The following CGRRF1 variants were observed in gnomAD, a reference collection of about 807,000 sequenced individuals.
The protein encoded by CGRRF1 is cell growth regulator with RING finger domain protein 1.
CGRRF1 carries 32 observed loss-of-function variants against 37.2 expected under a neutral mutation model. The observed-to-expected ratio is 0.86, with a 90% CI of 0.65 to 1.16. The LOEUF is 1.16. CGRRF1 is among the 50% of genes most tolerant of loss of function. The pLI is 0.00. For missense variants in CGRRF1, 391 were observed against 382.6 expected (o/e 1.02, Z -0.18); for synonymous variants, 141 against 140.3 (o/e 1.00, Z -0.04).
chr14:54,520,210 G>A (rs1006250640), intron 1 of CGRRF1, among the ~76,000 whole-genome samples: 11 of 152,068 alleles, frequency 7.2e-5, no homozygotes, highest in South Asian at 6.2e-4. Flanking sequence ...CCAGGTTCAC[G>A]CCATTCTCCT....
chr14:54,524,489 G>A (rs1227732469), intron 2 of CGRRF1, among the ~76,000 whole-genome samples: 1 of 150,892 alleles, frequency 6.6e-6, no homozygotes, highest in Non-Finnish European at 1.5e-5. Context: ...GGGCTCAAGT[G>A]GTCCTCCTGC....
intron 2 of CGRRF1, among the ~76,000 whole-genome samples, chr14:54,527,616 T>G (rs1482654805): frequency 6.6e-6 from 1 of 152,182 alleles, no homozygotes; most frequent in Non-Finnish European, 1.5e-5. Flanking sequence ...ATACAAAGTC[T>G]ATAAACGAGT....
At chr14:54,526,748 A>G (rs932773874) in intron 2 of CGRRF1, among the ~76,000 whole-genome samples, 3 of 152,340 alleles carry the variant, frequency 2.0e-5, no homozygotes, top group South Asian at 2.1e-4. Flanking sequence ...ACATTAAAGC[A>G]AAAGGGTTAG....
At chr14:54,537,161 A>T (rs184614163) in intron 4 of CGRRF1, 3 of 152,174 alleles carry the variant, frequency 2.0e-5, no homozygotes, top group Non-Finnish European at 4.4e-5. Context: ...ATCCTGTTTC[A>T]TCCATCTGTC....
At position 54,521,598 on chromosome 14, in the gene CGRRF1, G is replaced by A. The variant is rs577552372; in HGVS notation, c.105-856G>A. Among the ~76,000 whole-genome samples, 283 of 151,408 alleles carry A rather than the reference G, an allele frequency of 1.9e-3. 1 individual carries two copies. The highest frequency in any genetic ancestry group is 3.0e-3 in the Non-Finnish European group (206 of 67,858). On this transcript the variant is annotated intron_variant, in intron 1 of 5. Coordinates refer to ENST00000216420, the MANE Select transcript of CGRRF1 (RefSeq NM_006568.3). Reference sequence around the variant, plus strand: ...CGGCTCACTGCAACCTCTGCCTTCCGGGTTCAAGCCAGTCTCCTGCCTCAG... The same window carrying A: ...CGGCTCACTGCAACCTCTGCCTTCCAGGTTCAAGCCAGTCTCCTGCCTCAG...
At chr14:54,529,640 C>T (rs1261633644) in intron 2 of CGRRF1, among the ~76,000 whole-genome samples, 1 of 152,066 alleles carries the variant, frequency 6.6e-6, no homozygotes, top group Non-Finnish European at 1.5e-5. Flanking sequence ...TGTACATATC[C>T]CCTTTAGAGG....
At chr14:54,520,782 C>T (rs968524668) in intron 1 of CGRRF1, among the ~76,000 whole-genome samples, 10 of 152,050 alleles carry the variant, frequency 6.6e-5, no homozygotes, top group African/African-American at 2.4e-4. Flanking sequence ...TTAAATATAC[C>T]ACAGTTTGTT....
chr14:54,513,633 T>A (rs796891877), intron 1 of CGRRF1, among the ~76,000 whole-genome samples: 1 of 151,900 alleles, frequency 6.6e-6, no homozygotes, highest in South Asian at 2.1e-4. Flanking sequence ...TATGTTATGT[T>A]ATGTTATTTT....
At chr14:54,528,220 T>C (rs2032446722) in intron 2 of CGRRF1, among the ~76,000 whole-genome samples, 1 of 150,866 alleles carries the variant, frequency 6.6e-6, no homozygotes, top group East Asian at 1.9e-4. Context: ...TTTTTTTTTT[T>C]TTTTTTTTAA....
At chr14:54,532,703 A>C (rs969653732) in intron 4 of CGRRF1, among the ~76,000 whole-genome samples, 5 of 129,988 alleles carry the variant, frequency 3.8e-5, no homozygotes, top group Non-Finnish European at 7.8e-5. Context: ...TTGATAAGTA[A>C]AAAAAAAAAA....
chr14:54,515,459 C>T (rs1376602082), intron 1 of CGRRF1, among the ~76,000 whole-genome samples: 1 of 152,006 alleles, frequency 6.6e-6, no homozygotes, highest in Non-Finnish European at 1.5e-5. Flanking sequence ...TTTTTGATGT[C>T]CTTACTGATT....
chr14:54,536,108 T>G (rs111279588), intron 4 of CGRRF1: 3 of 152,248 alleles, frequency 2.0e-5, no homozygotes, highest in Admixed American at 6.5e-5. Context: ...TGTTGTTTTC[T>G]GATTTTTCCT....
At chr14:54,523,541 CCT>C (rs1491546762) in intron 2 of CGRRF1, among the ~76,000 whole-genome samples, 4 of 150,222 alleles carry the variant, frequency 2.7e-5, no homozygotes, top group Admixed American at 2.6e-4. Context: ...ATTCCTTCCT[CCT>C]TTTTTTTTTT....
Position 54,537,826 on chromosome 14 carries a change from T to G in CGRRF1, c.675T>G (p.Leu225=). The G allele has an allele frequency of 6.2e-7, 1 of 1,601,808 alleles. No individual in the cohort carries two copies. Among genetic ancestry groups the G allele is most frequent in the South Asian group, 1.1e-5 (1 of 87,632 alleles). The part of the protein sequence containing the change: ...LLLAQGQFHD[L]KQLFMSANNN... ...TGGCTCAAGGTCAATTTCATGATCT[T>G]AAGGTAAGCCGTACTCTGTAGTCTT... Residue 225 remains leucine, a synonymous_variant, in exon 5 of 6, where the codon CTT becomes CTG. Coordinates refer to ENST00000216420, the MANE Select transcript of CGRRF1 (RefSeq NM_006568.3).
At chr14:54,514,916 A>ATCTCT (rs1394036420) in intron 1 of CGRRF1, among the ~76,000 whole-genome samples, 5 of 152,116 alleles carry the variant, frequency 3.3e-5, no homozygotes, top group Non-Finnish European at 5.9e-5. Flanking sequence ...TTTTAAAGAT[A>ATCTCT]TCTCTGTTAC....
intron 1 of CGRRF1, among the ~76,000 whole-genome samples, chr14:54,517,822 G>A (rs1198270158): frequency 1.3e-5 from 2 of 152,116 alleles, no homozygotes; most frequent in African/African-American, 4.8e-5. Context: ...TCCCCTCCAT[G>A]TGTCCATGTG....
intron 1 of CGRRF1, 121 bp from the exon 2 acceptor site, chr14:54,522,333 T>G (rs1040601231): frequency 3.0e-6 from 2 of 668,614 alleles, no homozygotes; most frequent in African/African-American, 3.8e-5. Context: ...AATTGAGAAA[T>G]TTAACCTCTT....
intron 2 of CGRRF1, 93 bp from the exon 3 acceptor site, chr14:54,529,956 G>A: frequency 2.0e-6 from 2 of 997,360 alleles, no homozygotes; most frequent in Non-Finnish European, 3.0e-6. Flanking sequence ...ATCCTGGCCA[G>A]CATCCAAAAG....
chr14:54,513,746 G>A (rs543511316), intron 1 of CGRRF1, among the ~76,000 whole-genome samples: 8 of 152,210 alleles, frequency 5.3e-5, no homozygotes, highest in African/African-American at 1.7e-4. Flanking sequence ...CAGGAAGACT[G>A]TTTGAGCCCA....
Sources: gnomAD v4.1 joint callset for allele counts (sites outside exome capture counted in the v4.1 genomes callset) on GRCh38, gnomAD v4.1.1 for gene constraint, MANE v1.5 for transcripts, NCBI Gene and HGNC (gene_info 2026-07-23, HGNC 2026-07-21) for gene names.